The following CACNG2 variants were observed in gnomAD, a reference collection of about 807,000 sequenced individuals.
The protein encoded by CACNG2 is calcium voltage-gated channel auxiliary subunit gamma 2.
In CACNG2, 3 loss-of-function variants were observed where a neutral mutation model predicts 25.9. That is an observed-to-expected ratio of 0.12 (90% CI 0.05 to 0.30). The LOEUF (loss-of-function observed/expected upper bound fraction) is 0.30, where lower values mean the gene tolerates loss of function less well. Ranked by LOEUF, CACNG2 falls within the 10% of genes least tolerant of loss-of-function variation. The pLI is 1.00. For missense variants in CACNG2, 341 were observed against 432.5 expected (o/e 0.79, Z 1.88); for synonymous variants, 167 against 173.3 (o/e 0.96, Z 0.29).
At chr22:36,661,484 G>C (rs985341201) in intron 1 of CACNG2, among the ~76,000 whole-genome samples, 3 of 152,132 alleles carry the variant, frequency 2.0e-5, no homozygotes. Flanking sequence ...GACTTGAACC[G>C]TGTGGGGCCT....
chr22:36,663,185 G>T (rs1447293393), intron 1 of CACNG2, among the ~76,000 whole-genome samples: 1 of 152,116 alleles, frequency 6.6e-6, no homozygotes, highest in Non-Finnish European at 1.5e-5. Flanking sequence ...TGGGTGCCTG[G>T]TCCGGTGCCT....
intron 1 of CACNG2, among the ~76,000 whole-genome samples, chr22:36,633,397 G>T (rs997337183): frequency 6.6e-6 from 1 of 152,176 alleles, no homozygotes; most frequent in African/African-American, 2.4e-5. Context: ...GTTTATGCTT[G>T]CAAAGCAAAG....
rs150126131 is a variant in CACNG2 at position 36,578,523 on chromosome 22, C to T, written c.295+8942G>A. ...AAGTTGTGTAACTTGCCAAAGGTCA[C>T]AGAGTGGAGCACCCCTTGAATTCAG... On this transcript the variant is annotated intron_variant, in intron 2 of 3. Transcript: ENST00000300105. Among the ~76,000 whole-genome samples, 300 of 152,272 alleles carry T rather than the reference C, an allele frequency of 2.0e-3. 1 individual carries two copies. The highest frequency in any genetic ancestry group is 3.3e-3 in the Non-Finnish European group (224 of 68,026).
chr22:36,633,693 CA>C (rs1318725247), intron 1 of CACNG2, among the ~76,000 whole-genome samples: 4 of 152,078 alleles, frequency 2.6e-5, no homozygotes, highest in African/African-American at 9.7e-5. Context: ...TTAATTTACT[CA>C]CGATAAAAGG....
At chr22:36,663,922 G>T (rs575207226) in intron 1 of CACNG2, among the ~76,000 whole-genome samples, 2 of 152,184 alleles carry the variant, frequency 1.3e-5, no homozygotes, top group Non-Finnish European at 2.9e-5. Flanking sequence ...CCAGGCTGTC[G>T]GTTGCAGGGA....
rs956727064 is a variant in CACNG2 at position 36,606,241 on chromosome 22, C to T, written c.212-18693G>A. On this transcript the variant is annotated intron_variant, in intron 1 of 3. Transcript: ENST00000300105. The surrounding 1 kb of genome is among the most constrained non-coding windows in gnomAD (Gnocchi z 5.7). ...GAGGACCCTAGACAAATAATTAATG[C>T]AGACGACCCAGAATGAAACCACAAG... 6.6e-6 allele frequency among the ~76,000 whole-genome samples: 1 copy of T among 152,230 alleles called. No homozygotes were observed. Among genetic ancestry groups the T allele is most frequent in the Non-Finnish European group, 1.5e-5 (1 of 68,036 alleles).
intron 1 of CACNG2, among the ~76,000 whole-genome samples, chr22:36,592,898 G>A (rs899966068): frequency 6.6e-6 from 1 of 152,230 alleles, no homozygotes; most frequent in Non-Finnish European, 1.5e-5. Context: ...GTGGGAGGCT[G>A]TGAGAGGGGT....
In CACNG2 at chr22:36,630,259, C is replaced by A. The variant is rs758030552; in HGVS notation, c.212-42711G>T. The stretch of plus-strand genomic sequence containing the variant: ...TATTGTGGCAGACCCAGTGGGAAGC[C>A]TTGGTGGCCTGGGTGGAGGTAGAAG... On this transcript the variant is annotated intron_variant, in intron 1 of 3. Coordinates refer to ENST00000300105, the MANE Select transcript of CACNG2 (RefSeq NM_006078.5). Among the ~76,000 whole-genome samples, 147 of 152,082 alleles carry A rather than the reference C, an allele frequency of 9.7e-4. 2 individuals carry two copies. The highest frequency in any genetic ancestry group is 2.8e-4 in the Non-Finnish European group (19 of 68,002).
At chr22:36,679,891 C>T (rs975279345) in intron 1 of CACNG2, among the ~76,000 whole-genome samples, 16 of 152,038 alleles carry the variant, frequency 1.1e-4, no homozygotes, top group Non-Finnish European at 2.1e-4. Flanking sequence ...GGTAGTTATT[C>T]GGATGATAAC....
At chr22:36,568,002 A>G (rs1256495513) in intron 2 of CACNG2, among the ~76,000 whole-genome samples, 1 of 151,962 alleles carries the variant, frequency 6.6e-6, no homozygotes, top group Non-Finnish European at 1.5e-5. Flanking sequence ...GGCGTGTACC[A>G]CCATGCTTGG....
chr22:36,675,366 G>A (rs189202530), intron 1 of CACNG2, among the ~76,000 whole-genome samples: 15 of 152,090 alleles, frequency 9.9e-5, no homozygotes, highest in Non-Finnish European at 1.6e-4. Context: ...TTTATGAGGT[G>A]GGTGACCAAT....
intron 1 of CACNG2, among the ~76,000 whole-genome samples, chr22:36,599,886 T>A (rs995553161): frequency 4.6e-5 from 7 of 152,228 alleles, no homozygotes; most frequent in Admixed American, 3.9e-4. Flanking sequence ...AAGTTTTGCC[T>A]GGACATATGG....
At chr22:36,678,917 C>T (rs1038037590) in intron 1 of CACNG2, among the ~76,000 whole-genome samples, 5 of 152,164 alleles carry the variant, frequency 3.3e-5, no homozygotes, top group East Asian at 1.9e-4. Context: ...CCCAAGGACA[C>T]GTGGTTTGTG....
At position 36,686,003 on chromosome 22, in the gene CACNG2, C is replaced by T. The variant is rs1415690230; in HGVS notation, c.211+16363G>A. ...GTCACAGAGGTAAATGTGACACCAT[C>T]CATGTCTCAAGGGCTTTGCCACCTG... On this transcript the variant is annotated intron_variant, in intron 1 of 3. Coordinates refer to ENST00000300105, the MANE Select transcript of CACNG2 (RefSeq NM_006078.5). 2.0e-5 allele frequency among the ~76,000 whole-genome samples: 3 copies of T among 152,202 alleles called. 1 individual carries two copies. Among genetic ancestry groups the T allele is most frequent in the Non-Finnish European group, 4.4e-5 (3 of 68,040 alleles).
intron 3 of CACNG2, among the ~76,000 whole-genome samples, chr22:36,565,425 G>A (rs2145904364): frequency 6.6e-6 from 1 of 152,214 alleles, no homozygotes; most frequent in Middle Eastern, 3.4e-3. Flanking sequence ...ACTCTTTAGG[G>A]CCACGGAGAG....
chr22:36,598,452 T>C (rs1935707963), intron 1 of CACNG2, among the ~76,000 whole-genome samples: 1 of 150,534 alleles, frequency 6.6e-6, no homozygotes, highest in Admixed American at 6.6e-5. Flanking sequence ...ACCCTGTCTC[T>C]ACTAAAAATA....
chr22:36,590,658 C>T (rs1023482566), intron 1 of CACNG2, among the ~76,000 whole-genome samples: 3 of 152,204 alleles, frequency 2.0e-5, no homozygotes, highest in Non-Finnish European at 4.4e-5. Context: ...TTTGCACCCA[C>T]TCTTATCCTT....
In CACNG2 at chr22:36,563,453, C is replaced by T. The variant is rs79238560; in HGVS notation, c.*898G>A. 0.036 allele frequency among the ~76,000 whole-genome samples: 5,418 copies of T among 152,136 alleles called. 114 individuals are homozygous for T. Among genetic ancestry groups the T allele is most frequent in the Non-Finnish European group, 0.056 (3,797 of 67,950 alleles). On this transcript the variant is annotated 3_prime_UTR_variant, in exon 4 of 4. Coordinates refer to ENST00000300105, the MANE Select transcript of CACNG2 (RefSeq NM_006078.5). ...GCTCACCCTGAGGATTCCGGGGTTTCCGGCATCTTGGTAAGCCACCGGCAG... is the reference window on the plus strand; with the variant it reads ...GCTCACCCTGAGGATTCCGGGGTTTTCGGCATCTTGGTAAGCCACCGGCAG...
chr22:36,588,717 G>A (rs577853180), intron 1 of CACNG2, among the ~76,000 whole-genome samples: 18 of 152,300 alleles, frequency 1.2e-4, no homozygotes, highest in African/African-American at 3.6e-4. Context: ...TTGTCGTGGA[G>A]GTTCACTGAG....
Sources: allele counts gnomAD v4.1 joint callset (sites outside exome capture counted in the v4.1 genomes callset), GRCh38; gene constraint gnomAD v4.1.1; non-coding constraint Gnocchi (gnomAD v3.1); transcripts MANE v1.5; gene names NCBI Gene and HGNC (gene_info 2026-07-23, HGNC 2026-07-21).